NELL1: variants seen among roughly 807,000 people sequenced by gnomAD.
NELL1 encodes protein kinase C-binding protein NELL1.
Under a neutral mutation model 107.4 loss-of-function variants are expected in NELL1, and 76 were observed. That is an observed-to-expected ratio of 0.71 (90% CI 0.59 to 0.86). NELL1 has a LOEUF of 0.86. NELL1 is among the 40% of genes least tolerant of loss of function. The probability of loss-of-function intolerance (pLI) is 0.00; values close to 1 mark genes in which losing one functional copy is unlikely to be tolerated. For missense variants in NELL1, 1,024 were observed against 1,005.5 expected, an observed-to-expected ratio of 1.02 and a Z score of -0.25; for synonymous variants, 353 against 341.2, an observed-to-expected ratio of 1.03 and a Z score of -0.38.
intron 15 of NELL1, among the ~76,000 whole-genome samples, chr11:21,477,912 A>T (rs1224324547): frequency 3.9e-5 from 2 of 51,600 alleles, no homozygotes; most frequent in Admixed American, 2.6e-4. Context: ...ATTATAAGAA[A>T]TTATAATAAA....
intron 14 of NELL1, among the ~76,000 whole-genome samples, chr11:21,345,066 T>A (rs1850655618): frequency 6.6e-6 from 1 of 152,214 alleles, no homozygotes; most frequent in Admixed American, 6.5e-5. Context: ...CTTCTGTGAT[T>A]CATGTTGTAG....
intron 13 of NELL1, among the ~76,000 whole-genome samples, chr11:21,152,031 G>T (rs532186697): frequency 1.3e-5 from 2 of 152,280 alleles, no homozygotes; most frequent in Admixed American, 1.3e-4. Context: ...AATCCTCCCT[G>T]AAGGTGAAGT....
intron 12 of NELL1, among the ~76,000 whole-genome samples, chr11:21,093,478 T>A (rs182157447): frequency 6.6e-6 from 1 of 152,304 alleles, no homozygotes; most frequent in East Asian, 1.9e-4. Context: ...GCCAGGTTCG[T>A]CAGGCCTTTC....
intron 5 of NELL1, among the ~76,000 whole-genome samples, chr11:20,893,124 T>TGA (rs1849652703): frequency 6.6e-6 from 1 of 152,096 alleles, no homozygotes; most frequent in African/African-American, 2.4e-5. Flanking sequence ...TGGGTGAAGC[T>TGA]GGAAGCCATC....
chr11:21,324,417 T>A (rs1850082220), intron 14 of NELL1, among the ~76,000 whole-genome samples: 1 of 152,134 alleles, frequency 6.6e-6, no homozygotes, highest in Admixed American at 6.6e-5. Context: ...TTGATTCTCA[T>A]AAAAGGAGTA....
chr11:21,096,824 C>T (rs181999285), intron 12 of NELL1, among the ~76,000 whole-genome samples: 28 of 152,236 alleles, frequency 1.8e-4, no homozygotes, highest in Admixed American at 4.6e-4. Flanking sequence ...GATTCTCCCA[C>T]CTCAGCCTCC....
chr11:20,724,765 C>G (rs543683283), intron 2 of NELL1, among the ~76,000 whole-genome samples: 1 of 152,314 alleles, frequency 6.6e-6, no homozygotes, highest in South Asian at 2.1e-4. Context: ...AAGTCCCTTC[C>G]ACATTTTCAG....
intron 15 of NELL1, among the ~76,000 whole-genome samples, chr11:21,486,484 C>T (rs1854635421): frequency 6.6e-6 from 1 of 152,154 alleles, no homozygotes; most frequent in South Asian, 2.1e-4. Flanking sequence ...AAAGCCTTCT[C>T]CTATGAAAGC....
intron 14 of NELL1, among the ~76,000 whole-genome samples, chr11:21,239,632 A>G (rs17233123): frequency 0.12 from 18,386 of 152,088 alleles, 1,412 homozygotes; most frequent in Non-Finnish European, 0.18. Flanking sequence ...GAAAAATGGA[A>G]TAGTACCCTA....
At chr11:20,975,918 C>A (rs1851612832) in intron 12 of NELL1, among the ~76,000 whole-genome samples, 2 of 88,248 alleles carry the variant, frequency 2.3e-5, no homozygotes, top group African/African-American at 1.0e-4. Context: ...ATTATATAAA[C>A]ACACATATAT....
intron 15 of NELL1, among the ~76,000 whole-genome samples, chr11:21,464,198 T>C (rs1159423519): frequency 6.6e-6 from 1 of 152,050 alleles, no homozygotes; most frequent in Non-Finnish European, 1.5e-5. Flanking sequence ...CCAGACTCAA[T>C]AGTGGATAAA....
chr11:21,410,631 A>T (rs1375434975), intron 15 of NELL1, among the ~76,000 whole-genome samples: 2 of 152,022 alleles, frequency 1.3e-5, no homozygotes, highest in African/African-American at 4.8e-5. Context: ...TGGTATCTTT[A>T]TTGAGATTTT....
At chr11:21,148,919 C>T (rs1306585660) in intron 13 of NELL1, among the ~76,000 whole-genome samples, 2 of 152,110 alleles carry the variant, frequency 1.3e-5, no homozygotes, top group Non-Finnish European at 2.9e-5. Flanking sequence ...ATATGGAAAA[C>T]TAAGGGCTCA....
chr11:21,476,405 T>A (rs79630310), intron 15 of NELL1, among the ~76,000 whole-genome samples: 8,937 of 152,180 alleles, frequency 0.059, 555 homozygotes, highest in East Asian at 0.16. Flanking sequence ...CATGGACCTC[T>A]AGAAAGACAC....
intron 12 of NELL1, among the ~76,000 whole-genome samples, chr11:20,985,651 T>TG (rs1464589913): frequency 2.0e-5 from 3 of 152,134 alleles, no homozygotes; most frequent in Non-Finnish European, 4.4e-5. Context: ...TTTTGGGAAG[T>TG]GGGGGGAAGA....
chr11:21,316,281 G>A (rs931413689), intron 14 of NELL1, among the ~76,000 whole-genome samples: 7 of 152,042 alleles, frequency 4.6e-5, no homozygotes, highest in South Asian at 2.1e-4. Context: ...ACATCACACC[G>A]TCAAAGCTTT....
chr11:21,027,361 G>C (rs1297149893), intron 12 of NELL1, among the ~76,000 whole-genome samples: 5 of 151,112 alleles, frequency 3.3e-5, no homozygotes, highest in Non-Finnish European at 5.9e-5. Context: ...TCTATTTCTG[G>C]TTTTCTATCT....
chr11:21,127,887 A>T (rs889487083), intron 13 of NELL1, among the ~76,000 whole-genome samples: 2 of 152,318 alleles, frequency 1.3e-5, no homozygotes, highest in Admixed American at 1.3e-4. Context: ...ATCTTATCAT[A>T]GCTGTTACTA....
chr11:21,239,289 C>T (rs2133895667), intron 14 of NELL1, among the ~76,000 whole-genome samples: 1 of 152,100 alleles, frequency 6.6e-6, no homozygotes, highest in South Asian at 2.1e-4. Context: ...GCACTCATTG[C>T]CTTTTTAACA....
Sources: gnomAD v4.1 joint callset for allele counts (sites outside exome capture counted in the v4.1 genomes callset) on GRCh38, gnomAD v4.1.1 for gene constraint, MANE v1.5 for transcripts, NCBI Gene and HGNC (gene_info 2026-07-23, HGNC 2026-07-21) for gene names.